The following KLHL12 variants were observed in gnomAD, a reference collection of about 807,000 sequenced individuals.
KLHL12 encodes kelch-like protein 12.
KLHL12 carries 17 observed loss-of-function variants against 60.8 expected under a neutral mutation model. That is an observed-to-expected ratio of 0.28 (90% CI 0.19 to 0.42). The LOEUF (loss-of-function observed/expected upper bound fraction) is 0.42. KLHL12 is among the 10% of genes least tolerant of loss of function. The probability of loss-of-function intolerance (pLI) is 1.00; values close to 1 mark genes in which losing one functional copy is unlikely to be tolerated. For missense variants in KLHL12, 468 were observed against 722.3 expected (o/e 0.65, Z 4.04); for synonymous variants, 220 against 250.9 (o/e 0.88, Z 1.16).
At chr1:202,912,199 G>A (rs1219172149) in intron 4 of KLHL12, 8 of 1,003,340 alleles carry the variant, frequency 8.0e-6, no homozygotes, top group Non-Finnish European at 1.3e-5. Context: ...GAACAGTTTG[G>A]AAAAACGGAA....
chr1:202,905,793 A>C (rs1445110385), intron 6 of KLHL12, among the ~76,000 whole-genome samples: 3 of 151,908 alleles, frequency 2.0e-5, no homozygotes, highest in African/African-American at 7.3e-5. Context: ...CAAGATTTTC[A>C]GATTAGGGAT....
chr1:202,906,652 A>G (rs1557991854), intron 6 of KLHL12, among the ~76,000 whole-genome samples: 1 of 151,826 alleles, frequency 6.6e-6, no homozygotes, highest in African/African-American at 2.4e-5. Flanking sequence ...TGCTAAATAT[A>G]TTTTATTTAA....
intron 7 of KLHL12, 65 bp downstream of exon 7, chr1:202,896,789 G>C: frequency 8.3e-7 from 1 of 1,203,704 alleles, no homozygotes; most frequent in East Asian, 2.3e-5. Context: ...GATTAGCTAT[G>C]ATCTGGAGGC....
chr1:202,904,988 T>C (rs575022942), intron 6 of KLHL12, among the ~76,000 whole-genome samples: 22 of 152,332 alleles, frequency 1.4e-4, no homozygotes, highest in Admixed American at 1.2e-3. Context: ...GAAGAGTCAT[T>C]ATCCTGGTAG....
chr1:202,917,022 T>C (rs1163611526), intron 4 of KLHL12, among the ~76,000 whole-genome samples: 2 of 151,938 alleles, frequency 1.3e-5, no homozygotes, highest in Admixed American at 6.6e-5. Context: ...ATCAATACTA[T>C]GGGCTTCAAA....
intron 4 of KLHL12, 33 bp downstream of exon 4, chr1:202,918,138 T>A: frequency 6.5e-7 from 1 of 1,526,820 alleles, no homozygotes; most frequent in Non-Finnish European, 9.1e-7. Context: ...TGCCCAATCT[T>A]GAAGAAACCA....
intron 6 of KLHL12, among the ~76,000 whole-genome samples, chr1:202,907,589 C>T (rs1660233642): frequency 8.6e-6 from 1 of 116,312 alleles, no homozygotes; most frequent in Non-Finnish European, 1.7e-5. Flanking sequence ...CAGAGCAAGA[C>T]TCTGTCTTAA....
At chr1:202,919,715 C>G in intron 3 of KLHL12, 40 bp downstream of exon 3, 9 of 1,562,934 alleles carry the variant, frequency 5.8e-6, no homozygotes, top group Non-Finnish European at 7.8e-6. Flanking sequence ...CTTTCCAGGG[C>G]TATTTTGACA....
intron 1 of KLHL12, among the ~76,000 whole-genome samples, chr1:202,926,176 G>A (rs990145982): frequency 6.6e-6 from 1 of 151,326 alleles, no homozygotes; most frequent in Non-Finnish European, 1.5e-5. Context: ...AACCACGCAA[G>A]TTATCGATGG....
At chr1:202,921,204 T>C (rs1660688760) in intron 2 of KLHL12, among the ~76,000 whole-genome samples, 1 of 151,608 alleles carries the variant, frequency 6.6e-6, no homozygotes, top group Admixed American at 6.6e-5. Context: ...TGACACAGTC[T>C]TGCTCTGTTG....
intron 3 of KLHL12, among the ~76,000 whole-genome samples, chr1:202,919,222 C>T (rs919956725): frequency 1.3e-5 from 2 of 152,178 alleles, no homozygotes; most frequent in Non-Finnish European, 2.9e-5. Flanking sequence ...CACCACTGTG[C>T]TCTAATCTGG....
intron 1 of KLHL12, among the ~76,000 whole-genome samples, chr1:202,926,510 CAA>C (rs1011049206): frequency 6.6e-6 from 1 of 152,090 alleles, no homozygotes; most frequent in Non-Finnish European, 1.5e-5. Context: ...ATATGTTTTT[CAA>C]AAAGACTTAA....
At chr1:202,903,528 T>C (rs1178665426) in intron 6 of KLHL12, among the ~76,000 whole-genome samples, 1 of 149,066 alleles carries the variant, frequency 6.7e-6, no homozygotes, top group Non-Finnish European at 1.5e-5. Context: ...GGTGCAATTA[T>C]GGTTCACTGC....
At chr1:202,920,744 T>A (rs1252733963) in intron 2 of KLHL12, among the ~76,000 whole-genome samples, 5 of 152,204 alleles carry the variant, frequency 3.3e-5, no homozygotes, top group Non-Finnish European at 5.9e-5. Flanking sequence ...AGTAGGTAGT[T>A]ATCTATACGC....
Position 202,896,884 on chromosome 1 carries a change from G to T in KLHL12, c.909C>A (p.Asp303Glu). ...AAAAGCTCCACTCCTGAGTCTTGGG[G>T]TCATATTTCTCTACCACATCAATGG... is the stretch of plus-strand genomic sequence containing the variant. Reference protein sequence around the residue: ...QSPIDVVEKYDPKTQEWSFLP... With the variant: ...QSPIDVVEKYEPKTQEWSFLP... The change falls in exon 7 of 12, where the codon GAC becomes GAA. Residue 303 changes from aspartate (D) to glutamate (E), a missense_variant. Physicochemically the swap from Asp to Glu is conservative, Grantham distance 45. Transcript: ENST00000367261. 6.2e-7 allele frequency: 1 copy of T among 1,614,010 alleles called. No individual in the cohort carries two copies. Among genetic ancestry groups the T allele is most frequent in the South Asian group, 1.1e-5 (1 of 91,078 alleles).
chr1:202,907,594 T>C (rs1159779222), intron 6 of KLHL12, among the ~76,000 whole-genome samples: 1 of 78,744 alleles, frequency 1.3e-5, no homozygotes, highest in Non-Finnish European at 2.5e-5. Flanking sequence ...CAAGACTCTG[T>C]CTTAAAAAAA....
rs145663074 is a variant in KLHL12 at position 202,922,093 on chromosome 1, C to T, written c.196-2185G>A. Among the ~76,000 whole-genome samples, 62 of 152,274 alleles carry T rather than the reference C, an allele frequency of 4.1e-4. 1 individual carries two copies. Among genetic ancestry groups the T allele is most frequent in the Middle Eastern group, 6.8e-3 (2 of 294 alleles). ...CAGAAATTTCTCATTCAATAAACTA[C>T]ATTTCCATCAAATAGTTTAAATATG... On this transcript the variant is annotated intron_variant, in intron 2 of 11. Transcript: ENST00000367261.
chr1:202,892,987 G>A (rs1659723449), intron 11 of KLHL12, among the ~76,000 whole-genome samples: 3 of 152,056 alleles, frequency 2.0e-5, no homozygotes, highest in Admixed American at 1.3e-4. Flanking sequence ...GACCAGCCTA[G>A]GCAACATAAA....
At chr1:202,904,358 A>G (rs1430351859) in intron 6 of KLHL12, among the ~76,000 whole-genome samples, 1 of 117,502 alleles carries the variant, frequency 8.5e-6, no homozygotes, top group Non-Finnish European at 2.0e-5. Flanking sequence ...ATTTATCATA[A>G]TTTTGTATAT....
Sources: gnomAD v4.1 joint callset for allele counts (sites outside exome capture counted in the v4.1 genomes callset) on GRCh38, gnomAD v4.1.1 for gene constraint, MANE v1.5 for transcripts, NCBI Gene and HGNC (gene_info 2026-07-23, HGNC 2026-07-21) for gene names.